RNPEP: variants seen among roughly 807,000 people sequenced by gnomAD.
The protein encoded by RNPEP is arginyl aminopeptidase, also known as aminopeptidase B.
RNPEP carries 57 observed loss-of-function variants against 70.1 expected under a neutral mutation model. That is an observed-to-expected ratio of 0.81 (90% confidence interval 0.66 to 1.01). RNPEP has a LOEUF of 1.01. Among genes scored for constraint, RNPEP ranks in the 50% least tolerant of loss-of-function variants. The probability of loss-of-function intolerance (pLI) is 0.00; values close to 1 mark genes in which losing one functional copy is unlikely to be tolerated. For missense variants in RNPEP, 787 were observed against 852.4 expected, an observed-to-expected ratio of 0.92 and a Z score of 0.96; for synonymous variants, 335 against 357.4, an observed-to-expected ratio of 0.94 and a Z score of 0.71.
intron 1 of RNPEP, among the ~76,000 whole-genome samples, chr1:201,984,821 C>CTTTTTTTTTTTTTTTTTTTTTT (rs200795347): frequency 4.1e-5 from 5 of 121,998 alleles, no homozygotes; most frequent in Admixed American, 8.9e-5. Flanking sequence ...GTATTTCTTT[C>CTTTTTTTTTTTTTTTTTTTTTT]TTTTTTTTTT....
At chr1:202,002,165 CTTT>C (rs112152568) in intron 8 of RNPEP, among the ~76,000 whole-genome samples, 5 of 138,084 alleles carry the variant, frequency 3.6e-5, no homozygotes, top group Admixed American at 7.3e-5. Context: ...CTTTTCTTTT[CTTT>C]TTTTTTTTTT....
chr1:201,985,211 A>T (rs12060875), intron 1 of RNPEP, among the ~76,000 whole-genome samples: 90,054 of 150,162 alleles, frequency 0.6, 27,061 homozygotes, highest in African/African-American at 0.62. Context: ...AAAAAAAAAT[A>T]CTCATTTCCT....
chr1:201,983,385 C>G, intron 1 of RNPEP: 2 of 1,504,928 alleles, frequency 1.3e-6, no homozygotes, highest in Non-Finnish European at 1.8e-6. Flanking sequence ...CCTCCCTGGC[C>G]CTGGAGGCTT....
At chr1:201,989,307 C>A (rs1021681255) in intron 2 of RNPEP, 76 bp from the exon 3 acceptor site, 32 of 1,524,560 alleles carry the variant, frequency 2.1e-5, no homozygotes, top group Non-Finnish European at 2.9e-5. Context: ...CACAGGTGGC[C>A]GGTCATGCTC....
intron 8 of RNPEP, 124 bp downstream of exon 8, chr1:202,001,891 T>G: frequency 1.5e-6 from 1 of 661,566 alleles, no homozygotes; most frequent in East Asian, 2.6e-5. Flanking sequence ...AGGGGCGTTT[T>G]GGGAAGCAAA....
Position 201,997,766 on chromosome 1 carries a change from G to GTTTTTT in RNPEP, c.1090+221_1090+226dup, listed in dbSNP as rs10625357. 2.0e-4 allele frequency among the ~76,000 whole-genome samples: 28 copies of GTTTTTT among 139,176 alleles called. 3 individuals are homozygous for GTTTTTT. The highest frequency in any genetic ancestry group is 2.9e-4 in the Non-Finnish European group (19 of 65,818). The allele number at this position is 139,176 out of a possible 152,430, so 91.3% of individuals were successfully genotyped here. A position where few individuals can be genotyped will look rare whatever the true frequency, so the allele number is the denominator to read the frequency against. On this transcript the variant is annotated intron_variant, in intron 5 of 10. Coordinates refer to ENST00000295640, the MANE Select transcript of RNPEP (RefSeq NM_020216.4). ...AAAAAAACATTTCCCCAGGTCATTAGTTTTTTTTTTTTTTGAGACAGAGTT... is the reference window on the plus strand; with the variant it reads ...AAAAAAACATTTCCCCAGGTCATTAGTTTTTTTTTTTTTTTTTTTTGAGACAGAGTT...
Position 201,996,211 on chromosome 1 carries a change from G to C in RNPEP, c.802G>C (p.Glu268Gln). ...AAKEEYNGVI[E>Q]EFLATGEKLF... The stretch of plus-strand genomic sequence containing the variant: ...CAAGGAGGAGTACAACGGGGTGATA[G>C]AAGAATTTTTGGCAACAGGAGAGAA... Residue 268 changes from glutamate (E) to glutamine (Q), a missense_variant, in exon 4 of 11, where the codon GAA becomes CAA. Coordinates refer to ENST00000295640, the MANE Select transcript of RNPEP (RefSeq NM_020216.4). 1 of 1,614,208 alleles carries C rather than the reference G, an allele frequency of 6.2e-7. No homozygotes were observed. The highest frequency in any genetic ancestry group is 8.5e-7 in the Non-Finnish European group (1 of 1,180,024).
At position 202,005,696 on chromosome 1, in the gene RNPEP, G is replaced by A. The variant is rs758735913; in HGVS notation, c.1933G>A (p.Val645Met). ...SNVVNYVQQI[V>M]APKGS ...TGTTGTCAACTATGTCCAGCAGATC[G>A]TGGCACCCAAGGGCAGTTAGAGGCT... Residue 645 changes from valine (V) to methionine (M), a missense_variant, in exon 11 of 11, where the codon GTG becomes ATG. Transcript: ENST00000295640. 2.8e-5 allele frequency: 45 copies of A among 1,614,120 alleles called. 1 individual carries two copies. In the South Asian group the frequency reaches 4.3e-4, roughly 15 times the overall value.
intron 9 of RNPEP, 89 bp downstream of exon 9, chr1:202,003,550 C>A: frequency 1.1e-6 from 1 of 931,290 alleles, no homozygotes; most frequent in Non-Finnish European, 1.7e-6. Context: ...GTGATGCTTG[C>A]CCCTAGGGAA....
chr1:202,002,256 C>T (rs534524517), intron 8 of RNPEP, among the ~76,000 whole-genome samples: 8 of 151,974 alleles, frequency 5.3e-5, no homozygotes, highest in Admixed American at 1.3e-4. Context: ...CTCCGCCTGC[C>T]GGGTTCAAGC....
At chr1:202,001,334 G>C (rs1297753203) in intron 6 of RNPEP, 42 bp from the exon 7 acceptor site, 1 of 1,364,824 alleles carries the variant, frequency 7.3e-7, no homozygotes, top group African/African-American at 1.4e-5. Flanking sequence ...ACGGGTGACA[G>C]GCTACAAAAG....
intron 8 of RNPEP, chr1:202,002,992 C>A: frequency 2.2e-6 from 1 of 464,728 alleles, no homozygotes; most frequent in South Asian, 2.8e-5. Flanking sequence ...ACCAACTTGG[C>A]TCTGACAACA....
At position 201,984,837 on chromosome 1, in the gene RNPEP, T is replaced by C. The variant is rs1455069064; in HGVS notation, c.447+1724T>C. 2.3e-4 allele frequency among the ~76,000 whole-genome samples: 31 copies of C among 133,658 alleles called. 2 individuals carry two copies. Among genetic ancestry groups the C allele is most frequent in the South Asian group, 9.4e-4 (4 of 4,234 alleles). The allele number at this position is 133,658 out of a possible 152,430, so 87.7% of individuals were successfully genotyped here. ...TATTTCTTTCTTTTTTTTTTTTTTT[T>C]TTTTTTTTTTTTTTTTTTTTGAGAA... On this transcript the variant is annotated intron_variant, in intron 1 of 10. Transcript: ENST00000295640.
intron 6 of RNPEP, among the ~76,000 whole-genome samples, chr1:202,000,641 T>C (rs1439750666): frequency 6.6e-6 from 1 of 152,112 alleles, no homozygotes; most frequent in African/African-American, 2.4e-5. Flanking sequence ...GGCATGGTGG[T>C]TCACGCCTGT....
intron 1 of RNPEP, 171 bp downstream of exon 1, chr1:201,983,284 C>G: frequency 6.9e-7 from 1 of 1,443,014 alleles, no homozygotes; most frequent in Non-Finnish European, 9.1e-7. Context: ...CCCCTTGCTT[C>G]CTCTTTTCCT....
At chr1:201,987,509 C>T (rs1446724690) in intron 1 of RNPEP, among the ~76,000 whole-genome samples, 2 of 147,172 alleles carry the variant, frequency 1.4e-5, no homozygotes, top group Admixed American at 1.4e-4. Flanking sequence ...ATGATCTCAG[C>T]TCACTGCAAC....
chr1:201,986,536 C>CTTTCTTTTTTT (rs1553303391), intron 1 of RNPEP, among the ~76,000 whole-genome samples: 2 of 80,622 alleles, frequency 2.5e-5, no homozygotes, highest in Non-Finnish European at 2.5e-5. Context: ...CATTTTCTTT[C>CTTTCTTTTTTT]TTTTTTTTTT....
intron 3 of RNPEP, 146 bp downstream of exon 3, chr1:201,989,677 G>A: frequency 1.3e-6 from 1 of 765,720 alleles, no homozygotes; most frequent in Non-Finnish European, 2.1e-6. Flanking sequence ...TGCAGCATGA[G>A]CACAGCTGGA....
At chr1:201,997,246 C>A in intron 4 of RNPEP, 73 bp from the exon 5 acceptor site, 4 of 1,130,138 alleles carry the variant, frequency 3.5e-6, no homozygotes, top group Non-Finnish European at 5.4e-6. Flanking sequence ...TGGAAATAGG[C>A]TGGAAAGGGA....
Sources: gnomAD v4.1 joint callset for allele counts (sites outside exome capture counted in the v4.1 genomes callset) on GRCh38, gnomAD v4.1.1 for gene constraint, MANE v1.5 for transcripts, NCBI Gene and HGNC (gene_info 2026-07-23, HGNC 2026-07-21) for gene names.